The following NSRP1 variants were observed in gnomAD, a reference collection of about 807,000 sequenced individuals.
NSRP1 encodes coiled-coil domain containing 55.
NSRP1 carries 24 observed loss-of-function variants against 54.7 expected under a neutral mutation model. The ratio of observed to expected loss-of-function variants is 0.44; its 90% CI spans 0.32 to 0.62. NSRP1 has a LOEUF of 0.62. Ranked by LOEUF, NSRP1 falls within the 20% of genes least tolerant of loss-of-function variation. The pLI, the probability that NSRP1 is intolerant of heterozygous loss-of-function variation, is 0.06. For synonymous variants in NSRP1, 210 were observed against 213.8 expected (o/e 0.98, Z 0.15); for missense variants, 596 against 651.2 (o/e 0.92, Z 0.92).
chr17:30,127,970 G>T, intron 2 of NSRP1: 1 of 397,434 alleles, frequency 2.5e-6, no homozygotes, highest in South Asian at 1.3e-4. Flanking sequence ...AAGTAGCTGG[G>T]ACCACAGGCA....
Position 30,116,841 on chromosome 17 carries a change from A to G in NSRP1, c.-3A>G, listed in dbSNP as rs768302955. 21 of 1,575,348 alleles carry G rather than the reference A, an allele frequency of 1.3e-5. No individual in the cohort carries two copies. Among genetic ancestry groups the G allele is most frequent in the Middle Eastern group, 1.7e-4 (1 of 6,050 alleles). On this transcript the variant is annotated 5_prime_UTR_variant, in exon 1 of 7. Transcript: ENST00000247026. ...GGCCACGTTCAGCGGACACGGGAGC[A>G]AGATGGCGATTCCGGGCAGGCAGTG... is the stretch of plus-strand genomic sequence containing the variant.
chr17:30,118,173 G>A lies in NSRP1; in HGVS notation c.114G>A (p.Glu38=). The A allele has an allele frequency of 6.2e-7, 1 of 1,610,362 alleles. No individual in the cohort carries two copies. The highest frequency in any genetic ancestry group is 8.5e-7 in the Non-Finnish European group (1 of 1,177,108). The change falls in exon 2 of 7, where the codon GAG becomes GAA. Residue 38 remains glutamate (E), a splice_region_variant and synonymous_variant. Transcript: ENST00000247026. ...VFGNDSDDDD[E]TSVSESLQRE... is the part of the protein sequence containing the mutation. ...GGAATGATTCTGATGATGATGATGA[G>A]GTAAGGAAACCTATGTTTTACTCGT...
chr17:30,184,049 A>G (rs1905415353), intron 6 of NSRP1, among the ~76,000 whole-genome samples: 2 of 152,172 alleles, frequency 1.3e-5, no homozygotes, highest in East Asian at 1.9e-4. Context: ...TAAAAATACA[A>G]AAATTAGCTG....
At chr17:30,140,883 T>C (rs1292995894) in intron 2 of NSRP1, among the ~76,000 whole-genome samples, 1 of 152,100 alleles carries the variant, frequency 6.6e-6, no homozygotes, top group Non-Finnish European at 1.5e-5. Flanking sequence ...AGAGACAGGG[T>C]CTCACTGTGT....
intron 2 of NSRP1, among the ~76,000 whole-genome samples, chr17:30,123,095 CT>C (rs1294000467): frequency 1.4e-5 from 2 of 138,374 alleles, no homozygotes; most frequent in Non-Finnish European, 3.0e-5. Flanking sequence ...ACATTTATCT[CT>C]TTTTATTTTA....
chr17:30,139,738 T>C (rs999344919), intron 2 of NSRP1, among the ~76,000 whole-genome samples: 4 of 152,054 alleles, frequency 2.6e-5, no homozygotes, highest in Non-Finnish European at 4.4e-5. Context: ...TGAGACACTA[T>C]TTGAGGCCGG....
intron 2 of NSRP1, among the ~76,000 whole-genome samples, chr17:30,166,841 G>A (rs940303254): frequency 5.3e-5 from 8 of 151,944 alleles, no homozygotes; most frequent in Non-Finnish European, 1.2e-4. Context: ...CAGGAGAATC[G>A]CTTGAACCCG....
At chr17:30,131,075 AAGT>A (rs564544839) in intron 2 of NSRP1, among the ~76,000 whole-genome samples, 162 of 152,308 alleles carry the variant, frequency 1.1e-3, no homozygotes, top group African/African-American at 3.6e-3. Flanking sequence ...AGCTGTGAAA[AAGT>A]AGAGCAGGAT....
chr17:30,130,703 T>G (rs984614132), intron 2 of NSRP1, among the ~76,000 whole-genome samples: 1 of 152,232 alleles, frequency 6.6e-6, no homozygotes, highest in African/African-American at 2.4e-5. Flanking sequence ...CTTGGACTAC[T>G]GGAGAGTATA....
intron 2 of NSRP1, among the ~76,000 whole-genome samples, chr17:30,125,617 G>A (rs1053723242): frequency 6.6e-6 from 1 of 152,104 alleles, no homozygotes; most frequent in Non-Finnish European, 1.5e-5. Context: ...GCGGCATCTC[G>A]GGTCACTGCA....
intron 2 of NSRP1, among the ~76,000 whole-genome samples, chr17:30,138,188 A>AT (rs1459070989): frequency 6.6e-6 from 1 of 152,096 alleles, no homozygotes; most frequent in Non-Finnish European, 1.5e-5. Context: ...ATGTGTCAGA[A>AT]TTTTCTTCTC....
At chr17:30,123,487 A>G (rs561449782) in intron 2 of NSRP1, among the ~76,000 whole-genome samples, 1 of 152,234 alleles carries the variant, frequency 6.6e-6, no homozygotes, top group South Asian at 2.1e-4. Flanking sequence ...TATTAGATAT[A>G]TGGTTTGTAA....
At chr17:30,167,565 C>T (rs1904779010) in intron 2 of NSRP1, among the ~76,000 whole-genome samples, 3 of 151,854 alleles carry the variant, frequency 2.0e-5, no homozygotes, top group Admixed American at 2.0e-4. Context: ...GCCGAGATCG[C>T]ACCACTGCAC....
intron 2 of NSRP1, among the ~76,000 whole-genome samples, chr17:30,119,583 A>G (rs568720144): frequency 1.4e-5 from 2 of 147,044 alleles, no homozygotes. Context: ...GCTCATTGCA[A>G]CCTCCGCCTC....
In NSRP1 at chr17:30,180,989, T is replaced by C. The variant is rs778242274; in HGVS notation, c.590T>C (p.Val197Ala). ...AATCAAGCAGTTGGTGAAGAGGAAG[T>C]ACCTAAATGCAGCTTTCGTGAAGCC... ...LLNQAVGEEE[V>A]PKCSFREARS... The change falls in exon 6 of 7, where the codon GTA (valine) becomes GCA (alanine). Residue 197 changes from valine (V) to alanine (A), a missense_variant. Coordinates refer to ENST00000247026, the MANE Select transcript of NSRP1 (RefSeq NM_032141.4). 2 of 1,611,952 alleles carry C rather than the reference T, an allele frequency of 1.2e-6. No homozygotes were observed. Among genetic ancestry groups the C allele is most frequent in the South Asian group, 1.1e-5 (1 of 91,032 alleles).
At chr17:30,164,122 A>C (rs1357735457) in intron 2 of NSRP1, among the ~76,000 whole-genome samples, 1 of 152,132 alleles carries the variant, frequency 6.6e-6, no homozygotes, top group African/African-American at 2.4e-5. Flanking sequence ...CTTATTTGGA[A>C]TTAAAGCTAA....
intron 3 of NSRP1, 111 bp from the exon 4 acceptor site, chr17:30,177,960 T>C: frequency 1.6e-6 from 2 of 1,256,194 alleles, no homozygotes. Context: ...AAAATGTGAT[T>C]GTAATTTTTA....
chr17:30,156,077 C>T (rs184211637), intron 2 of NSRP1, among the ~76,000 whole-genome samples: 15 of 152,002 alleles, frequency 9.9e-5, no homozygotes, highest in Admixed American at 9.8e-4. Flanking sequence ...TAACCTCAAG[C>T]GATCTGCCCG....
chr17:30,184,003 A>ACCT (rs564509950), intron 6 of NSRP1, among the ~76,000 whole-genome samples: 152 of 152,292 alleles, frequency 1.0e-3, no homozygotes, highest in African/African-American at 3.5e-3. Flanking sequence ...AGAGTTTGAG[A>ACCT]CCAGCTTGGC....
Sources: allele counts gnomAD v4.1 joint callset (sites outside exome capture counted in the v4.1 genomes callset), GRCh38; gene constraint gnomAD v4.1.1; transcripts MANE v1.5; gene names NCBI Gene and HGNC (gene_info 2026-07-23, HGNC 2026-07-21).